ITGBL1: variants seen among roughly 807,000 people sequenced by gnomAD.
ITGBL1 encodes integrin subunit beta like 1, also known as integrin beta-like protein 1.
A neutral mutation model predicts 68.5 loss-of-function variants in ITGBL1; 51 were observed. The observed-to-expected ratio is 0.74, with a 90% CI of 0.59 to 0.94. The LOEUF (loss-of-function observed/expected upper bound fraction) is 0.94. Ranked by LOEUF, ITGBL1 falls within the 40% of genes least tolerant of loss-of-function variation. ITGBL1 has a pLI of 0.00. For missense variants in ITGBL1, 649 were observed against 647.4 expected, an observed-to-expected ratio of 1.00 and a Z score of -0.03; for synonymous variants, 209 against 227.3, an observed-to-expected ratio of 0.92 and a Z score of 0.72.
rs539877205 is a variant in ITGBL1 at position 101,692,127 on chromosome 13, C to G, written c.1016-458C>G. 5.3e-5 allele frequency among the ~76,000 whole-genome samples: 8 copies of G among 152,142 alleles called. No homozygotes were observed. The South Asian group carries it at 1.7e-3, about 32-fold the overall frequency. Reference sequence around the variant, plus strand: ...TGACTACAAATAGTCACTAAAATAGCACATTGAAATATTACCTATGACCAC... The same window carrying G: ...TGACTACAAATAGTCACTAAAATAGGACATTGAAATATTACCTATGACCAC... On this transcript the variant is annotated intron_variant, in intron 7 of 10. Coordinates refer to ENST00000376180, the MANE Select transcript of ITGBL1 (RefSeq NM_004791.3).
intron 7 of ITGBL1, among the ~76,000 whole-genome samples, chr13:101,620,214 T>C (rs983287331): frequency 6.6e-6 from 1 of 152,192 alleles, no homozygotes; most frequent in African/African-American, 2.4e-5. Flanking sequence ...ATAAGTAGAT[T>C]CACATTTTGC....
At chr13:101,611,609 A>G (rs78296409) in intron 7 of ITGBL1, among the ~76,000 whole-genome samples, 17,597 of 151,958 alleles carry the variant, frequency 0.12, 1,399 homozygotes, top group African/African-American at 0.23. Context: ...AGCTACTGGG[A>G]TAGAGGTGGG....
At chr13:101,543,775 C>T (rs572465467) in intron 2 of ITGBL1, among the ~76,000 whole-genome samples, 1 of 152,248 alleles carries the variant, frequency 6.6e-6, no homozygotes, top group African/African-American at 2.4e-5. Flanking sequence ...TCTTTTTTCT[C>T]TAAACTGCTC....
At chr13:101,710,259 T>C (rs567994808) in intron 9 of ITGBL1, among the ~76,000 whole-genome samples, 1 of 152,344 alleles carries the variant, frequency 6.6e-6, no homozygotes, top group South Asian at 2.1e-4. Context: ...TTCATGTTAG[T>C]GGACCGGCCT....
chr13:101,603,087 C>G (rs1349761877), intron 7 of ITGBL1, among the ~76,000 whole-genome samples: 1 of 151,894 alleles, frequency 6.6e-6, no homozygotes, highest in Non-Finnish European at 1.5e-5. Flanking sequence ...TCTTTGGGGT[C>G]TGTATCTGTG....
At chr13:101,581,743 C>T (rs2050461360) in intron 5 of ITGBL1, among the ~76,000 whole-genome samples, 1 of 152,152 alleles carries the variant, frequency 6.6e-6, no homozygotes, top group Admixed American at 6.6e-5. Context: ...TTTTATATTT[C>T]TGAACATACA....
At chr13:101,569,531 G>C (rs1022206668) in intron 3 of ITGBL1, among the ~76,000 whole-genome samples, 1 of 152,116 alleles carries the variant, frequency 6.6e-6, no homozygotes. Flanking sequence ...GTAATGTCCT[G>C]TATAGCGTTT....
chr13:101,587,287 A>C (rs1488281906), intron 6 of ITGBL1, among the ~76,000 whole-genome samples: 1 of 152,200 alleles, frequency 6.6e-6, no homozygotes, highest in Non-Finnish European at 1.5e-5. Flanking sequence ...CAAATAAATC[A>C]ATTTTATTTA....
chr13:101,613,887 G>A (rs574362355), intron 7 of ITGBL1, among the ~76,000 whole-genome samples: 9 of 152,114 alleles, frequency 5.9e-5, no homozygotes, highest in Admixed American at 1.3e-4. Flanking sequence ...TAACAGGCAC[G>A]GTCCTGCAGC....
chr13:101,584,515 G>T (rs767423372), intron 6 of ITGBL1, among the ~76,000 whole-genome samples: 1 of 152,070 alleles, frequency 6.6e-6, no homozygotes, highest in Non-Finnish European at 1.5e-5. Context: ...GGAGATAAAA[G>T]AACTGTCCCA....
At chr13:101,479,250 T>C (rs1432180867) in intron 2 of ITGBL1, among the ~76,000 whole-genome samples, 1 of 151,988 alleles carries the variant, frequency 6.6e-6, no homozygotes. Flanking sequence ...AAAACTGATA[T>C]CCATATGCAG....
intron 2 of ITGBL1, among the ~76,000 whole-genome samples, chr13:101,532,522 C>G (rs918753168): frequency 2.6e-5 from 4 of 152,078 alleles, no homozygotes; most frequent in Non-Finnish European, 5.9e-5. Flanking sequence ...AACGTTATTC[C>G]TATTGCAGAT....
chr13:101,637,755 A>C (rs1257201277), intron 7 of ITGBL1, among the ~76,000 whole-genome samples: 2 of 152,228 alleles, frequency 1.3e-5, no homozygotes, highest in Non-Finnish European at 2.9e-5. Flanking sequence ...TTACATGGGC[A>C]TACCATATCT....
At chr13:101,477,018 A>T (rs2139652574) in intron 2 of ITGBL1, among the ~76,000 whole-genome samples, 1 of 152,168 alleles carries the variant, frequency 6.6e-6, no homozygotes, top group African/African-American at 2.4e-5. Flanking sequence ...ATTTCCAAGA[A>T]CATCGATGGC....
intron 7 of ITGBL1, among the ~76,000 whole-genome samples, chr13:101,604,887 T>TGTATATATATATACACAC (rs1555361661): frequency 9.0e-5 from 2 of 22,166 alleles, no homozygotes; most frequent in East Asian, 2.5e-3. Context: ...TATATATATA[T>TGTATATATATATACACAC]ACACACACAC....
intron 5 of ITGBL1, among the ~76,000 whole-genome samples, 160 bp downstream of exon 5, chr13:101,579,587 G>A (rs112385778): frequency 1.3e-5 from 2 of 152,102 alleles, no homozygotes; most frequent in Non-Finnish European, 2.9e-5. Flanking sequence ...AATCTTTTCT[G>A]TCTTGTTTTT....
At chr13:101,481,484 G>A (rs1320610658) in intron 2 of ITGBL1, among the ~76,000 whole-genome samples, 1 of 151,910 alleles carries the variant, frequency 6.6e-6, no homozygotes. Flanking sequence ...GGTGGAGATG[G>A]GGCTGCAATT....
At chr13:101,485,597 G>A (rs1290204218) in intron 2 of ITGBL1, among the ~76,000 whole-genome samples, 2 of 152,092 alleles carry the variant, frequency 1.3e-5, no homozygotes, top group Non-Finnish European at 1.5e-5. Flanking sequence ...GAGGTCAGGA[G>A]ATCGAGACCA....
chr13:101,705,254 A>G (rs2034230258), intron 8 of ITGBL1, among the ~76,000 whole-genome samples: 1 of 148,430 alleles, frequency 6.7e-6, no homozygotes, highest in Non-Finnish European at 1.5e-5. Flanking sequence ...GGGATGTGGT[A>G]TAACCCAGGG....
Sources: gnomAD v4.1 joint callset for allele counts (sites outside exome capture counted in the v4.1 genomes callset) on GRCh38, gnomAD v4.1.1 for gene constraint, MANE v1.5 for transcripts, NCBI Gene and HGNC (gene_info 2026-07-23, HGNC 2026-07-21) for gene names.